DSE: variants seen among roughly 807,000 people sequenced by gnomAD.
DSE encodes dermatan sulfate epimerase.
Under a neutral mutation model 84.4 loss-of-function variants are expected in DSE, and 36 were observed. The observed-to-expected ratio is 0.43, with a 90% CI of 0.33 to 0.56. The LOEUF (loss-of-function observed/expected upper bound fraction) is 0.56, where lower values mean the gene tolerates loss of function less well. Ranked by LOEUF, DSE falls within the 20% of genes least tolerant of loss-of-function variation. The probability of loss-of-function intolerance (pLI) is 0.06; values close to 1 mark genes in which losing one functional copy is unlikely to be tolerated. For synonymous variants in DSE, 410 were observed against 430.1 expected (o/e 0.95, Z 0.58); for missense variants, 862 against 1,169.6 (o/e 0.74, Z 3.84).
rs1779519220 is a variant in DSE, at chr6:116,371,062, G to T, written c.-113G>T. ...GGCGCCCTGGAGTGAGGAGGACCGG[G>T]AGCTGGCTCTGGAGGCTGCGGAGGC... On this transcript the variant is annotated 5_prime_UTR_variant, in exon 1 of 6. Transcript: ENST00000644252. The T allele has an allele frequency of 4.1e-6, 4 of 986,102 alleles. No individual in the cohort carries two copies. The South Asian group carries it at 1.9e-4, about 46-fold the overall frequency. The allele number at this position is 986,102 out of a possible 1,614,324, so 61.1% of individuals were successfully genotyped here. A position where few individuals can be genotyped will look rare whatever the true frequency, so the allele number is the denominator to read the frequency against.
At chr6:116,392,891 C>A (rs1051823759) in intron 1 of DSE, among the ~76,000 whole-genome samples, 5 of 152,130 alleles carry the variant, frequency 3.3e-5, no homozygotes, top group Non-Finnish European at 7.3e-5. Context: ...GGAAGCCTAA[C>A]ATTAAGTAGC....
intron 2 of DSE, among the ~76,000 whole-genome samples, chr6:116,421,409 T>C (rs1295581742): frequency 7.5e-6 from 1 of 133,630 alleles, no homozygotes; most frequent in Non-Finnish European, 1.6e-5. Flanking sequence ...CATATTAACA[T>C]AAACATATTT....
At chr6:116,407,200 A>G (rs1781986161) in intron 2 of DSE, among the ~76,000 whole-genome samples, 1 of 152,210 alleles carries the variant, frequency 6.6e-6, no homozygotes, top group Non-Finnish European at 1.5e-5. Flanking sequence ...ATTTTTAACA[A>G]GTCCTCTATA....
intron 2 of DSE, among the ~76,000 whole-genome samples, chr6:116,326,844 T>A (rs1217771841): frequency 6.6e-6 from 1 of 152,178 alleles, no homozygotes; most frequent in Non-Finnish European, 1.5e-5. Flanking sequence ...TGTAAAATAT[T>A]TTTCTTACTT....
At chr6:116,346,038 G>T (rs1338503116) in intron 2 of DSE, among the ~76,000 whole-genome samples, 1 of 152,084 alleles carries the variant, frequency 6.6e-6, no homozygotes, top group East Asian at 1.9e-4. Flanking sequence ...ATAAATTCCT[G>T]GACACATACA....
intron 2 of DSE, among the ~76,000 whole-genome samples, chr6:116,352,555 T>C (rs1778365185): frequency 6.6e-6 from 1 of 152,174 alleles, no homozygotes; most frequent in Non-Finnish European, 1.5e-5. Context: ...GGGTTAGTGC[T>C]GGGTGAGGCA....
chr6:116,375,656 C>A, intron 1 of DSE: 1 of 719,550 alleles, frequency 1.4e-6, no homozygotes, highest in Non-Finnish European at 1.7e-6. Context: ...AAGAGAAATA[C>A]AAGGTATTGT....
intron 2 of DSE, among the ~76,000 whole-genome samples, chr6:116,418,400 C>G (rs747949437): frequency 1.1e-4 from 16 of 152,168 alleles, no homozygotes; most frequent in Non-Finnish European, 2.2e-4. Context: ...TCTGAAGATG[C>G]AAACCAGAAC....
chr6:116,322,930 A>G (rs1015855536), intron 2 of DSE, among the ~76,000 whole-genome samples: 2 of 152,192 alleles, frequency 1.3e-5, no homozygotes, highest in Non-Finnish European at 2.9e-5. Context: ...GTTAGTGTAG[A>G]GAGCATTTTT....
intron 1 of DSE, among the ~76,000 whole-genome samples, chr6:116,374,246 A>C (rs933118594): frequency 6.6e-6 from 1 of 152,220 alleles, no homozygotes; most frequent in African/African-American, 2.4e-5. Flanking sequence ...AGCATACTTG[A>C]ATCATAAATA....
chr6:116,276,655 A>G (rs1250702553), intron 2 of DSE: 1 of 152,228 alleles, frequency 6.6e-6, no homozygotes, highest in Non-Finnish European at 1.5e-5. Flanking sequence ...TAATGATTCC[A>G]TAATTTTTAA....
At chr6:116,368,926 G>C (rs945206365), upstream of DSE, among the ~76,000 whole-genome samples, 1 of 148,942 alleles carries the variant, frequency 6.7e-6, no homozygotes, top group African/African-American at 2.5e-5. Context: ...GTAATGGGGT[G>C]GGCGGGGGCG....
intron 2 of DSE, among the ~76,000 whole-genome samples, chr6:116,407,190 A>AT (rs1346443811): frequency 6.6e-6 from 1 of 152,138 alleles, no homozygotes; most frequent in Non-Finnish European, 1.5e-5. Flanking sequence ...CAGAACCTGC[A>AT]TTTTTAACAA....
At chr6:116,431,955 A>G (rs1783869179) in intron 4 of DSE, among the ~76,000 whole-genome samples, 1 of 152,148 alleles carries the variant, frequency 6.6e-6, no homozygotes, top group South Asian at 2.1e-4. Context: ...GTGATTCTAG[A>G]CCTACAACAA....
chr6:116,331,953 C>G (rs970248220), intron 2 of DSE, among the ~76,000 whole-genome samples: 7 of 151,872 alleles, frequency 4.6e-5, no homozygotes, highest in Non-Finnish European at 7.4e-5. Context: ...GAGACTCCAT[C>G]TAAAAGAAAA....
chr6:116,408,672 C>T (rs1301012109), intron 2 of DSE, among the ~76,000 whole-genome samples: 1 of 152,170 alleles, frequency 6.6e-6, no homozygotes, highest in Non-Finnish European at 1.5e-5. Context: ...CTTTGACGTA[C>T]TTGGAGGCCA....
At position 116,341,605 on chromosome 6, in the gene DSE, C is replaced by G. The variant is rs1288645361; in HGVS notation, c.-53-57593C>G. On this transcript the variant is annotated intron_variant, in intron 2 of 3. Coordinates refer to the DSE transcript ENST00000430252. Reference sequence around the variant, plus strand: ...TGAATGGTATTGCCTAGGTTTTCTTCTAGGGTTTTTATGGTTCCAGGTCTA... The same window carrying G: ...TGAATGGTATTGCCTAGGTTTTCTTGTAGGGTTTTTATGGTTCCAGGTCTA... Among the ~76,000 whole-genome samples, 3 of 152,294 alleles carry G rather than the reference C, an allele frequency of 2.0e-5. No homozygotes were observed. The East Asian group carries it at 5.8e-4, about 29-fold the overall frequency.
chr6:116,400,927 C>T (rs1781550913), intron 2 of DSE: 1 of 152,062 alleles, frequency 6.6e-6, no homozygotes, highest in South Asian at 2.1e-4. Context: ...AAAATAGCAA[C>T]CATATTTACA....
intron 2 of DSE, among the ~76,000 whole-genome samples, chr6:116,291,369 A>G (rs73767720): frequency 0.041 from 6,271 of 151,900 alleles, 198 homozygotes; most frequent in African/African-American, 0.085. Flanking sequence ...ATGAGTCCTA[A>G]TAAGAAAAAT....
Sources: allele counts gnomAD v4.1 joint callset (sites outside exome capture counted in the v4.1 genomes callset), GRCh38; gene constraint gnomAD v4.1.1; transcripts MANE v1.5; gene names NCBI Gene and HGNC (gene_info 2026-07-23, HGNC 2026-07-21).